The following FMNL2 variants were observed in gnomAD, a reference collection of about 807,000 sequenced individuals.
FMNL2 encodes the protein formin like 2.
In FMNL2, 51 loss-of-function variants were observed where a neutral mutation model predicts 130.2. The ratio of observed to expected loss-of-function variants is 0.39; its 90% CI spans 0.31 to 0.49. FMNL2 has a LOEUF of 0.49. Among genes scored for constraint, FMNL2 ranks in the 20% least tolerant of loss-of-function variants. The pLI is 0.85. For synonymous variants in FMNL2, 465 were observed against 467.1 expected, an observed-to-expected ratio of 1.00 and a Z score of 0.06; for missense variants, 977 against 1,316.2, an observed-to-expected ratio of 0.74 and a Z score of 3.99.
At position 152,383,532 on chromosome 2, in the gene FMNL2, C is replaced by T. The variant is rs946084433; in HGVS notation, c.117+47812C>T. ...GGATGATAGTTTGAACACAGGAGTT[C>T]GAGACCAGCCTGGGCAACATAATAA... On this transcript the variant is annotated intron_variant, in intron 1 of 25. Coordinates refer to ENST00000288670, the MANE Select transcript of FMNL2 (RefSeq NM_052905.4). Among the ~76,000 whole-genome samples, 3 of 151,550 alleles carry T rather than the reference C, an allele frequency of 2.0e-5. No homozygotes were observed. In the South Asian group the frequency reaches 6.3e-4, roughly 32 times the overall value.
intron 1 of FMNL2, among the ~76,000 whole-genome samples, chr2:152,458,027 C>T (rs1420256801): frequency 6.6e-6 from 1 of 152,138 alleles, no homozygotes. Flanking sequence ...CTCACTTTCA[C>T]AAGGTCTTTA....
At chr2:152,393,673 T>C (rs1330252014) in intron 1 of FMNL2, among the ~76,000 whole-genome samples, 1 of 152,232 alleles carries the variant, frequency 6.6e-6, no homozygotes, top group Non-Finnish European at 1.5e-5. Context: ...TTTCTTTTAC[T>C]TTAAAAAAAT....
intron 1 of FMNL2, among the ~76,000 whole-genome samples, chr2:152,350,362 CCTCA>C (rs2105772924): frequency 1.3e-5 from 2 of 152,260 alleles, no homozygotes; most frequent in East Asian, 3.9e-4. Context: ...GAGTCTGTCC[CCTCA>C]CTCTGTTGTC....
chr2:152,592,185 T>C (rs183193818), intron 9 of FMNL2, among the ~76,000 whole-genome samples: 1 of 152,344 alleles, frequency 6.6e-6, no homozygotes, highest in Non-Finnish European at 1.5e-5. Context: ...CTTTAATAGG[T>C]ATTTAGTTGA....
chr2:152,353,486 C>T (rs1256434615), intron 1 of FMNL2, among the ~76,000 whole-genome samples: 1 of 152,180 alleles, frequency 6.6e-6, no homozygotes, highest in Non-Finnish European at 1.5e-5. Flanking sequence ...AAGTATATGT[C>T]CCTATACTCA....
intron 1 of FMNL2, among the ~76,000 whole-genome samples, chr2:152,360,862 ATAATT>A (rs1463130857): frequency 6.6e-6 from 1 of 152,242 alleles, no homozygotes; most frequent in Non-Finnish European, 1.5e-5. Context: ...CTGGTCAGAT[ATAATT>A]TAAACTCTTT....
intron 1 of FMNL2, among the ~76,000 whole-genome samples, chr2:152,405,098 T>C (rs973843014): frequency 2.0e-5 from 3 of 152,182 alleles, no homozygotes; most frequent in Non-Finnish European, 2.9e-5. Flanking sequence ...GTTGAGGCTG[T>C]AAATTGTTGG....
chr2:152,590,358 C>T (rs2105772138), intron 9 of FMNL2, among the ~76,000 whole-genome samples: 1 of 152,266 alleles, frequency 6.6e-6, no homozygotes, highest in South Asian at 2.1e-4. Context: ...TGGCTCACGC[C>T]TGTAATCCCA....
At chr2:152,646,085 T>C (rs1683525488) in intron 25 of FMNL2, among the ~76,000 whole-genome samples, 2 of 149,110 alleles carry the variant, frequency 1.3e-5, no homozygotes. Flanking sequence ...CCCAGCACTC[T>C]GGGAGGCCGA....
intron 21 of FMNL2, among the ~76,000 whole-genome samples, chr2:152,633,612 G>T (rs1236762598): frequency 6.6e-6 from 1 of 152,156 alleles, no homozygotes; most frequent in East Asian, 1.9e-4. Flanking sequence ...TATGACGCAG[G>T]CTGGATAGAC....
rs1683862905 is a variant in FMNL2, at chr2:152,649,127, G to GTATT, written c.*1225_*1228dup. The stretch of plus-strand genomic sequence containing the variant: ...TATTAATTGTAAAGTTTATTGTATA[G>GTATT]TATTTAACCGCTGAAGTTCCTATTT... On this transcript the variant is annotated 3_prime_UTR_variant, in exon 26 of 26. Coordinates refer to ENST00000288670, the MANE Select transcript of FMNL2 (RefSeq NM_052905.4). 6.6e-6 allele frequency: 1 copy of GTATT among 152,554 alleles called. No individual in the cohort carries two copies. Among genetic ancestry groups the GTATT allele is most frequent in the South Asian group, 2.1e-4 (1 of 4,830 alleles). 9.5% of individuals were successfully genotyped at this position (152,554 alleles called of 1,614,324 possible).
intron 25 of FMNL2, among the ~76,000 whole-genome samples, chr2:152,647,156 T>C (rs918164389): frequency 2.0e-5 from 3 of 152,176 alleles, no homozygotes; most frequent in Admixed American, 6.5e-5. Context: ...AAGTCTGGCC[T>C]GGACAACATA....
At chr2:152,473,630 A>G (rs1689972082) in intron 1 of FMNL2, among the ~76,000 whole-genome samples, 1 of 152,206 alleles carries the variant, frequency 6.6e-6, no homozygotes, top group African/African-American at 2.4e-5. Flanking sequence ...ATACTGTCCA[A>G]AAAATCAAGG....
At chr2:152,439,334 G>A (rs537329767) in intron 1 of FMNL2, among the ~76,000 whole-genome samples, 1 of 152,216 alleles carries the variant, frequency 6.6e-6, no homozygotes, top group Non-Finnish European at 1.5e-5. Context: ...AAATAAGACA[G>A]GTTATTATTT....
At chr2:152,543,653 T>C (rs563309383) in intron 3 of FMNL2, among the ~76,000 whole-genome samples, 61 of 150,572 alleles carry the variant, frequency 4.1e-4, no homozygotes, top group African/African-American at 1.5e-3. Context: ...GGGCTCTTGA[T>C]GCTTGCATTA....
intron 1 of FMNL2, among the ~76,000 whole-genome samples, chr2:152,503,837 C>T (rs1012787477): frequency 1.3e-5 from 2 of 152,170 alleles, no homozygotes; most frequent in African/African-American, 4.8e-5. Flanking sequence ...AGGATGTTCT[C>T]TCACAACTGC....
intron 20 of FMNL2, among the ~76,000 whole-genome samples, chr2:152,630,571 C>T (rs1042765141): frequency 3.9e-5 from 6 of 152,304 alleles, no homozygotes; most frequent in Admixed American, 1.3e-4. Flanking sequence ...GCAGGCCTAA[C>T]GTGATTGTCA....
intron 1 of FMNL2, among the ~76,000 whole-genome samples, chr2:152,467,242 T>C (rs10208776): frequency 0.38 from 57,577 of 152,040 alleles, 11,627 homozygotes; most frequent in East Asian, 0.68. Flanking sequence ...CTTATTCTTT[T>C]TTCTTGGAAG....
chr2:152,496,500 G>A (rs748135458), intron 1 of FMNL2, among the ~76,000 whole-genome samples: 1 of 152,104 alleles, frequency 6.6e-6, no homozygotes, highest in Admixed American at 6.6e-5. Context: ...GTGTCTTGTG[G>A]GGAGATACTT....
Sources: gnomAD v4.1 joint callset for allele counts (sites outside exome capture counted in the v4.1 genomes callset) on GRCh38, gnomAD v4.1.1 for gene constraint, MANE v1.5 for transcripts, NCBI Gene and HGNC (gene_info 2026-07-23, HGNC 2026-07-21) for gene names.